Variants in DNAJC1 observed in about 807,000 individuals in gnomAD.
DNAJC1 encodes the protein dnaJ homolog subfamily C member 1.
DNAJC1 carries 58 observed loss-of-function variants against 76.6 expected under a neutral mutation model. The observed-to-expected ratio is 0.76, with a 90% CI of 0.61 to 0.94. The LOEUF is 0.94. DNAJC1 is among the 40% of genes least tolerant of loss of function. The pLI, the probability that DNAJC1 is intolerant of heterozygous loss-of-function variation, is 0.00. For synonymous variants in DNAJC1, 258 were observed against 267.9 expected (o/e 0.96, Z 0.36); for missense variants, 689 against 677.3 (o/e 1.02, Z -0.19).
intron 1 of DNAJC1, among the ~76,000 whole-genome samples, chr10:21,960,903 A>G (rs1297948586): frequency 6.6e-6 from 1 of 152,182 alleles, no homozygotes; most frequent in East Asian, 1.9e-4. Flanking sequence ...CTTAAAGTAA[A>G]ATTTCAAAAA....
chr10:21,985,469 G>C (rs1029092332), intron 1 of DNAJC1, among the ~76,000 whole-genome samples: 1 of 151,964 alleles, frequency 6.6e-6, no homozygotes, highest in African/African-American at 2.4e-5. Flanking sequence ...GGCTGATCCC[G>C]AACTCCTGAC....
chr10:21,773,942 C>T (rs1665972127), intron 9 of DNAJC1, among the ~76,000 whole-genome samples: 1 of 150,944 alleles, frequency 6.6e-6, no homozygotes, highest in African/African-American at 2.4e-5. Context: ...GAGATCGAGA[C>T]CATCCCGGCT....
intron 1 of DNAJC1, among the ~76,000 whole-genome samples, chr10:21,956,849 CACACAA>C (rs1353184510): frequency 1.3e-5 from 2 of 148,298 alleles, no homozygotes; most frequent in Non-Finnish European, 3.0e-5. Context: ...CACACACACA[CACACAA>C]GTAGGTGTAA....
rs752452328 is a variant in DNAJC1, at chr10:21,882,454, A to G, written c.821-15T>C. ...TTTCTTCTGTTCTAAAAAATGTTTA[A>G]AAGAACCAATTATTGAGATTTTTAA... On this transcript the variant is annotated splice_polypyrimidine_tract_variant and intron_variant, in intron 7 of 11. Coordinates refer to ENST00000376980, the MANE Select transcript of DNAJC1 (RefSeq NM_022365.4). 1 of 1,444,192 alleles carries G rather than the reference A, an allele frequency of 6.9e-7. No homozygotes were observed. Among genetic ancestry groups the G allele is most frequent in the South Asian group, 1.4e-5 (1 of 71,560 alleles). 89.5% of individuals were successfully genotyped at this position (1,444,192 alleles called of 1,614,324 possible). A position where few individuals can be genotyped will look rare whatever the true frequency, so the allele number is the denominator to read the frequency against.
chr10:21,982,008 T>C (rs1255679915), intron 1 of DNAJC1, among the ~76,000 whole-genome samples: 1 of 152,178 alleles, frequency 6.6e-6, no homozygotes, highest in Non-Finnish European at 1.5e-5. Context: ...GCAAAAACCT[T>C]GTCAAATTGG....
At chr10:21,837,569 T>C (rs561652217) in intron 8 of DNAJC1, among the ~76,000 whole-genome samples, 1 of 149,658 alleles carries the variant, frequency 6.7e-6, no homozygotes, top group African/African-American at 2.5e-5. Flanking sequence ...CGCGACCCCA[T>C]ATGGGAGGTG....
chr10:21,962,751 T>G (rs1255206305), intron 1 of DNAJC1, among the ~76,000 whole-genome samples: 1 of 151,598 alleles, frequency 6.6e-6, no homozygotes, highest in African/African-American at 2.4e-5. Context: ...TATGTTGCAT[T>G]TAGCATTGAA....
chr10:21,924,775 T>C (rs1837096037), intron 3 of DNAJC1, among the ~76,000 whole-genome samples: 1 of 152,208 alleles, frequency 6.6e-6, no homozygotes, highest in Non-Finnish European at 1.5e-5. Context: ...GTGAACATCA[T>C]GGTGTACTTA....
chr10:21,864,496 C>T (rs571459110), intron 8 of DNAJC1, among the ~76,000 whole-genome samples: 4 of 152,066 alleles, frequency 2.6e-5, no homozygotes, highest in South Asian at 4.2e-4. Flanking sequence ...GTGGCATGCG[C>T]CTGTAGTCCC....
At chr10:21,785,931 G>A (rs921286820) in intron 9 of DNAJC1, among the ~76,000 whole-genome samples, 2 of 152,148 alleles carry the variant, frequency 1.3e-5, no homozygotes, top group Non-Finnish European at 2.9e-5. Context: ...GTTATAGAGC[G>A]TTCCTCCATT....
intron 1 of DNAJC1, chr10:21,933,363 C>A (rs946626384): frequency 2.0e-5 from 3 of 152,554 alleles, no homozygotes; most frequent in Admixed American, 6.5e-5. Flanking sequence ...CCTGCTAGAA[C>A]CTCCAAACAA....
Position 22,003,375 on chromosome 10 carries a change from C to CA in DNAJC1, c.59dup (p.Pro21AlafsTer37). The CA allele has an allele frequency of 7.2e-7, 1 of 1,394,280 alleles. No individual in the cohort carries two copies. 86.4% of individuals were successfully genotyped at this position (1,394,280 alleles called of 1,614,324 possible). A position where few individuals can be genotyped will look rare whatever the true frequency, so the allele number is the denominator to read the frequency against. On this transcript the variant is annotated frameshift_variant, in exon 1 of 12. Transcript: ENST00000376980. LOFTEE classifies it high-confidence loss of function. ...TCCGCGGCGGCGGCGGCGGGAACGG[C>CA]ACCAGCCCGAGCTGGCGGCGTCCAG...
rs557050552 is a variant in DNAJC1 at position 21,761,968 on chromosome 10, C to T, written c.1148-2350G>A. ...CTTTCACCAGGCTGGAGTGAAGGGG[C>T]GCGATTTTGCCTCCCTGCAACCTCT... is the stretch of plus-strand genomic sequence containing the variant. On this transcript the variant is annotated intron_variant, in intron 10 of 11. Coordinates refer to ENST00000376980, the MANE Select transcript of DNAJC1 (RefSeq NM_022365.4). Among the ~76,000 whole-genome samples the T allele has an allele frequency of 3.9e-5, 6 of 152,118 alleles. 1 individual carries two copies. Among genetic ancestry groups the T allele is most frequent in the Admixed American group, 1.3e-4 (2 of 15,286 alleles).
intron 7 of DNAJC1, among the ~76,000 whole-genome samples, chr10:21,897,342 CATA>C (rs1221220246): frequency 6.6e-6 from 1 of 152,054 alleles, no homozygotes; most frequent in Non-Finnish European, 1.5e-5. Flanking sequence ...TGAAATATCA[CATA>C]ATCACAATTA....
At chr10:21,782,990 C>G (rs1834553015) in intron 9 of DNAJC1, among the ~76,000 whole-genome samples, 2 of 152,178 alleles carry the variant, frequency 1.3e-5, no homozygotes, top group Non-Finnish European at 2.9e-5. Flanking sequence ...AAAACTGGCA[C>G]AAGACAGGGA....
At chr10:21,891,476 C>CAAAAAAAAAAAAAAAAAAGAAAAA (rs1836461421) in intron 7 of DNAJC1, among the ~76,000 whole-genome samples, 12 of 38,826 alleles carry the variant, frequency 3.1e-4, no homozygotes, top group African/African-American at 5.6e-4. Flanking sequence ...ACAAAGTAGA[C>CAAAAAAAAAAAAAAAAAAGAAAAA]AAAAAAAAAA....
At chr10:21,763,303 A>G (rs921461667) in intron 10 of DNAJC1, among the ~76,000 whole-genome samples, 2 of 152,274 alleles carry the variant, frequency 1.3e-5, no homozygotes, top group Non-Finnish European at 2.9e-5. Flanking sequence ...ATTGTTAAAA[A>G]TCCATCTTTA....
intron 6 of DNAJC1, among the ~76,000 whole-genome samples, chr10:21,910,829 AAGGAGAGGAGAGGAG>A (rs71393924): frequency 0.023 from 1,127 of 48,912 alleles, 24 homozygotes; most frequent in Admixed American, 0.033. Flanking sequence ...GAAAGAAAGG[AAGGAGAGGAGAGGAG>A]AGGAGAGGAG....
chr10:21,842,097 TG>T (rs1835583726), intron 8 of DNAJC1, among the ~76,000 whole-genome samples: 1 of 77,722 alleles, frequency 1.3e-5, no homozygotes, highest in Non-Finnish European at 2.3e-5. Context: ...GGGACTGTTG[TG>T]GGGTGGGGGG....
Sources: gnomAD v4.1 joint callset for allele counts (sites outside exome capture counted in the v4.1 genomes callset) on GRCh38, gnomAD v4.1.1 for gene constraint, MANE v1.5 for transcripts, NCBI Gene and HGNC (gene_info 2026-07-23, HGNC 2026-07-21) for gene names.